Variants in LIMD1 observed in about 807,000 individuals in gnomAD.
LIMD1 encodes LIM domain containing 1, also known as LIM domain-containing protein 1.
LIMD1 carries 23 observed loss-of-function variants against 58.4 expected under a neutral mutation model. That is an observed-to-expected ratio of 0.39 (90% CI 0.28 to 0.56). LIMD1 has a LOEUF of 0.56. LIMD1 is among the 20% of genes least tolerant of loss of function. The pLI is 0.57. For missense variants in LIMD1, 838 were observed against 855.5 expected, an observed-to-expected ratio of 0.98 and a Z score of 0.25; for synonymous variants, 334 against 345.5, an observed-to-expected ratio of 0.97 and a Z score of 0.37.
intron 1 of LIMD1, among the ~76,000 whole-genome samples, chr3:45,596,766 GTGTGTGTGTC>G (rs1393067523): frequency 2.0e-5 from 3 of 151,812 alleles, no homozygotes; most frequent in Admixed American, 6.6e-5. Flanking sequence ...TGACTGCCGT[GTGTGTGTGTC>G]TGTGTGTGTG....
intron 2 of LIMD1, among the ~76,000 whole-genome samples, chr3:45,662,038 G>A (rs1327316639): frequency 6.6e-6 from 1 of 152,208 alleles, no homozygotes; most frequent in Non-Finnish European, 1.5e-5. Context: ...AATTACAGGT[G>A]TGAGCCACTG....
At chr3:45,652,456 A>C (rs1386976598) in intron 2 of LIMD1, among the ~76,000 whole-genome samples, 1 of 152,156 alleles carries the variant, frequency 6.6e-6, no homozygotes, top group South Asian at 2.1e-4. Context: ...GCCTCTTTGC[A>C]TGCCTGGGAA....
intron 1 of LIMD1, among the ~76,000 whole-genome samples, chr3:45,611,784 G>T (rs1039165662): frequency 1.7e-4 from 26 of 152,282 alleles, no homozygotes; most frequent in African/African-American, 6.3e-4. Flanking sequence ...TTACACAGAG[G>T]CTCTTTGTTG....
At chr3:45,641,859 G>A (rs1255558326) in intron 2 of LIMD1, among the ~76,000 whole-genome samples, 1 of 152,222 alleles carries the variant, frequency 6.6e-6, no homozygotes, top group Non-Finnish European at 1.5e-5. Context: ...AGCAATTTTA[G>A]ACTGCAGCTA....
chr3:45,650,637 T>C (rs1312968319), intron 2 of LIMD1, among the ~76,000 whole-genome samples: 1 of 152,038 alleles, frequency 6.6e-6, no homozygotes, highest in Non-Finnish European at 1.5e-5. Flanking sequence ...GGTTTCCAGC[T>C]TCATCCATGT....
At chr3:45,629,674 G>A (rs1180082828) in intron 1 of LIMD1, among the ~76,000 whole-genome samples, 3 of 152,162 alleles carry the variant, frequency 2.0e-5, no homozygotes, top group Non-Finnish European at 4.4e-5. Context: ...ACGGCGAGAG[G>A]AACACATCAG....
rs2125672678 is a variant in LIMD1 at position 45,680,214 on chromosome 3, T to A, written c.*3155T>A. 1 of 152,378 alleles carries A rather than the reference T, an allele frequency of 6.6e-6. No homozygotes were observed. The highest frequency in any genetic ancestry group is 1.9e-4 in the East Asian group (1 of 5,186). The allele number at this position is 152,378 out of a possible 1,614,324, so 9.4% of individuals were successfully genotyped here. ...AGAGCTGTGATGGCTGCTGGGACGC[T>A]TGCAAAGATCATGTGTGAGAATTGA... On this transcript the variant is annotated 3_prime_UTR_variant, in exon 8 of 8. Coordinates refer to ENST00000273317, the MANE Select transcript of LIMD1 (RefSeq NM_014240.3).
chr3:45,643,795 A>G (rs138558756), intron 2 of LIMD1, among the ~76,000 whole-genome samples: 4,608 of 152,334 alleles, frequency 0.03, 76 homozygotes, highest in Non-Finnish European at 0.041. Flanking sequence ...GTCCGAGCTC[A>G]GTGGAAGGCT....
intron 2 of LIMD1, among the ~76,000 whole-genome samples, chr3:45,655,696 T>C (rs1306149465): frequency 6.6e-6 from 1 of 152,198 alleles, no homozygotes; most frequent in African/African-American, 2.4e-5. Flanking sequence ...TGAAGCATGC[T>C]AAGGTTTGAG....
intron 2 of LIMD1, among the ~76,000 whole-genome samples, chr3:45,664,166 C>T (rs1397795476): frequency 1.3e-5 from 2 of 152,070 alleles, no homozygotes; most frequent in South Asian, 2.1e-4. Flanking sequence ...CCACTGTGCC[C>T]GGCCAATTTT....
At chr3:45,671,348 G>C (rs892905515) in intron 4 of LIMD1, among the ~76,000 whole-genome samples, 1 of 152,222 alleles carries the variant, frequency 6.6e-6, no homozygotes, top group East Asian at 1.9e-4. Flanking sequence ...CTTTACCCCT[G>C]GGTCTCACAG....
chr3:45,672,147 A>G (rs1697592607), intron 4 of LIMD1, among the ~76,000 whole-genome samples: 1 of 152,232 alleles, frequency 6.6e-6, no homozygotes, highest in Non-Finnish European at 1.5e-5. Context: ...CTAGATTATC[A>G]TGCTCCAGAG....
At chr3:45,599,093 A>G (rs919386556) in intron 1 of LIMD1, among the ~76,000 whole-genome samples, 2 of 152,208 alleles carry the variant, frequency 1.3e-5, no homozygotes, top group Non-Finnish European at 2.9e-5. Flanking sequence ...AGCATTGCCA[A>G]ACAGTCTCCC....
intron 1 of LIMD1, among the ~76,000 whole-genome samples, chr3:45,633,381 T>A (rs1054354416): frequency 1.3e-5 from 2 of 152,186 alleles, no homozygotes; most frequent in African/African-American, 4.8e-5. Context: ...GACTTACACT[T>A]TTTGTGTCTG....
rs545167698 is a variant in LIMD1, at chr3:45,611,229, G to A, written c.1408+14942G>A. On this transcript the variant is annotated intron_variant, in intron 1 of 7. Transcript: ENST00000273317. Reference sequence around the variant, plus strand: ...ACAAAAAGATCATCATTTGTTCAAGGGAGGCTGATTTCATGATTGCCAACC... The same window carrying A: ...ACAAAAAGATCATCATTTGTTCAAGAGAGGCTGATTTCATGATTGCCAACC... Among the ~76,000 whole-genome samples the A allele has an allele frequency of 2.2e-4, 33 of 152,326 alleles. 1 individual carries two copies. In the Middle Eastern group the frequency reaches 0.01, roughly 47 times the overall value.
rs183152091 is a variant in LIMD1, at chr3:45,683,155, T to C, written c.*6096T>C. 8.5e-5 allele frequency: 13 copies of C among 152,354 alleles called. No individual in the cohort carries two copies. Among genetic ancestry groups the C allele is most frequent in the African/African-American group, 3.1e-4 (13 of 41,574 alleles). The allele number at this position is 152,354 out of a possible 1,614,324, so 9.4% of individuals were successfully genotyped here. On this transcript the variant is annotated 3_prime_UTR_variant, in exon 8 of 8. Coordinates refer to ENST00000273317, the MANE Select transcript of LIMD1 (RefSeq NM_014240.3). ...TAATCTAGAATAATCTCCCATTTTGTGATTCTTAATAACATCTGCAAAGCC... is the reference window on the plus strand; with the variant it reads ...TAATCTAGAATAATCTCCCATTTTGCGATTCTTAATAACATCTGCAAAGCC...
At chr3:45,660,679 G>A (rs1170890511) in intron 2 of LIMD1, among the ~76,000 whole-genome samples, 2 of 152,170 alleles carry the variant, frequency 1.3e-5, no homozygotes, top group African/African-American at 4.8e-5. Flanking sequence ...GCCTCCCAGA[G>A]TGCTGGGATC....
At chr3:45,630,721 T>TG (rs528336640) in intron 1 of LIMD1, among the ~76,000 whole-genome samples, 5 of 150,528 alleles carry the variant, frequency 3.3e-5, no homozygotes, top group African/African-American at 1.2e-4. Flanking sequence ...TGGGGGGGGT[T>TG]GGGGGGCATG....
chr3:45,602,870 C>G (rs1014456654), intron 1 of LIMD1, among the ~76,000 whole-genome samples: 1 of 150,452 alleles, frequency 6.6e-6, no homozygotes, highest in Admixed American at 6.6e-5. Context: ...GACGGAGGCT[C>G]ACTCCGTCAC....
Sources: allele counts gnomAD v4.1 joint callset (sites outside exome capture counted in the v4.1 genomes callset), GRCh38; gene constraint gnomAD v4.1.1; transcripts MANE v1.5; gene names NCBI Gene and HGNC (gene_info 2026-07-23, HGNC 2026-07-21).